Variants in ERCC4 observed in about 807,000 individuals in gnomAD.
The protein encoded by ERCC4 is ERCC excision repair 4, endonuclease catalytic subunit.
In ERCC4, 65 loss-of-function variants were observed where a neutral mutation model predicts 76.9. That is an observed-to-expected ratio of 0.84 (90% CI 0.69 to 1.04). The LOEUF (loss-of-function observed/expected upper bound fraction) is 1.04, where lower values mean the gene tolerates loss of function less well. ERCC4 is among the 50% of genes least tolerant of loss of function. The probability of loss-of-function intolerance (pLI) is 0.00; values close to 1 mark genes in which losing one functional copy is unlikely to be tolerated. For synonymous variants in ERCC4, 463 were observed against 410.1 expected, an observed-to-expected ratio of 1.13 and a Z score of -1.56; for missense variants, 1,214 against 1,128.2, an observed-to-expected ratio of 1.08 and a Z score of -1.09.
chr16:13,939,597 A>C (rs2032374557), intron 9 of ERCC4, among the ~76,000 whole-genome samples: 1 of 152,122 alleles, frequency 6.6e-6, no homozygotes, highest in Admixed American at 6.5e-5. Context: ...CAGGTACAAG[A>C]GGCCCTGTAA....
intron 4 of ERCC4, 59 bp downstream of exon 4, chr16:13,928,294 A>G (rs1227959294): frequency 8.3e-7 from 1 of 1,207,586 alleles, no homozygotes; most frequent in African/African-American, 1.5e-5. Flanking sequence ...AATGCAAGTT[A>G]TTTTAATATT....
At position 13,948,195 on chromosome 16, in the gene ERCC4, A is replaced by T; in HGVS notation, c.2599A>T (p.Met867Leu). 6.2e-7 allele frequency: 1 copy of T among 1,614,176 alleles called. No individual in the cohort carries two copies. Among genetic ancestry groups the T allele is most frequent in the Non-Finnish European group, 8.5e-7 (1 of 1,180,036 alleles). ...GAATGCCAAAAACTGCCGCTCCTTG[A>T]TGCACCACGTTAAGAACATCGCAGA... The part of the protein sequence containing the change: ...GVNAKNCRSL[M>L]HHVKNIAELA... Residue 867 changes from methionine to leucine, a missense_variant, in exon 11 of 11, where the codon ATG (methionine) becomes TTG (leucine). Met to Leu is a conservative substitution (Grantham distance 15, BLOSUM62 2). Coordinates refer to ENST00000311895, the MANE Select transcript of ERCC4 (RefSeq NM_005236.3).
In ERCC4 at chr16:13,920,175, G is replaced by C. The variant is rs768243270; in HGVS notation, c.10G>C (p.Gly4Arg). 1 of 1,605,536 alleles carries C rather than the reference G, an allele frequency of 6.2e-7. No homozygotes were observed. Among genetic ancestry groups the C allele is most frequent in the Non-Finnish European group, 8.5e-7 (1 of 1,179,838 alleles). ...ACCCGGAAGAGCTTCCATGGAGTCA[G>C]GGCAGCCGGCTCGACGGATTGCCAT... The part of the protein sequence containing the change: MES[G>R]QPARRIAMAP... Residue 4 changes from glycine to arginine, a missense_variant, in exon 1 of 11, where the codon GGG (glycine) becomes CGG (arginine). Physicochemically the swap from Gly to Arg is moderately radical, Grantham distance 125. Transcript: ENST00000311895.
chr16:13,944,717 C>T lies in ERCC4; in HGVS notation c.1905-6C>T. 6.3e-7 allele frequency: 1 copy of T among 1,597,964 alleles called. No individual in the cohort carries two copies. The highest frequency in any genetic ancestry group is 1.7e-5 in the Admixed American group (1 of 60,000). On this transcript the variant is annotated splice_polypyrimidine_tract_variant and splice_region_variant and intron_variant, in intron 9 of 10. Transcript: ENST00000311895. ...TCAGAAGTGTTGACAATGTTTTCTC[C>T]CACAGGGAAAAAGCAAGCATGGTTG...
chr16:13,944,413 T>C (rs925393473), intron 9 of ERCC4, among the ~76,000 whole-genome samples: 2 of 152,226 alleles, frequency 1.3e-5, no homozygotes, highest in Non-Finnish European at 2.9e-5. Context: ...TTTTTACATG[T>C]GGCATTTTTT....
At position 13,922,096 on chromosome 16, in the gene ERCC4, A is replaced by T; in HGVS notation, c.273A>T (p.Glu91Asp). Residue 91 changes from glutamate (E) to aspartate (D), a missense_variant, in exon 2 of 11, where the codon GAA (glutamate) becomes GAT (aspartate). By Grantham distance (45) the Glu-to-Asp change is conservative. Transcript: ENST00000311895. ...VEHLPRRVTN[E>D]ITSNSRYEVY... ...ACCTCCCTCGCCGTGTAACAAATGA[A>T]ATCACAAGCAACAGTCGCTATGAAG... 6.2e-7 allele frequency: 1 copy of T among 1,613,828 alleles called. No individual in the cohort carries two copies. Among genetic ancestry groups the T allele is most frequent in the East Asian group, 2.2e-5 (1 of 44,862 alleles).
chr16:13,924,468 G>A (rs1293552082), intron 2 of ERCC4, among the ~76,000 whole-genome samples: 1 of 152,162 alleles, frequency 6.6e-6, no homozygotes, highest in Non-Finnish European at 1.5e-5. Context: ...ACCCAGTGCT[G>A]TGCCTCCACT....
At chr16:13,931,895 A>G in intron 5 of ERCC4, 1 of 429,478 alleles carries the variant, frequency 2.3e-6, no homozygotes, top group Non-Finnish European at 4.1e-6. Context: ...AAAAAGTCAA[A>G]TAATGTCATG....
At position 13,947,827 on chromosome 16, in the gene ERCC4, A is replaced by G; in HGVS notation, c.2231A>G (p.Gln744Arg). The G allele has an allele frequency of 6.2e-7, 1 of 1,614,210 alleles. No homozygotes were observed. The highest frequency in any genetic ancestry group is 1.1e-5 in the South Asian group (1 of 91,078). The part of the protein sequence containing the change: ...GSLNNGRLYS[Q>R]CISMSRYYKR... ...TTAAATAACGGCCGCCTCTACAGCCAGTGCATCTCCATGTCCCGCTACTAC... is the reference window on the plus strand; with the variant it reads ...TTAAATAACGGCCGCCTCTACAGCCGGTGCATCTCCATGTCCCGCTACTAC... Residue 744 changes from glutamine (Q) to arginine (R), a missense_variant, in exon 11 of 11, where the codon CAG becomes CGG. Transcript: ENST00000311895.
chr16:13,928,617 A>C (rs896119106), intron 4 of ERCC4, among the ~76,000 whole-genome samples: 1 of 152,172 alleles, frequency 6.6e-6, no homozygotes, highest in Non-Finnish European at 1.5e-5. Flanking sequence ...ATAAAAAATA[A>C]TTTGGATGAG....
chr16:13,948,757 C>G lies in ERCC4; in HGVS notation c.*410C>G, dbSNP rs1208225671. On this transcript the variant is annotated 3_prime_UTR_variant, in exon 11 of 11. Transcript: ENST00000311895. The stretch of plus-strand genomic sequence containing the variant: ...CAAGAAAGCTACCATTTTTAACAGT[C>G]CTTGTTATCTAGTGCAACATAAATA... 2 of 234,830 alleles carry G rather than the reference C, an allele frequency of 8.5e-6. No homozygotes were observed. The highest frequency in any genetic ancestry group is 1.7e-4 in the South Asian group (1 of 5,756). 14.5% of individuals were successfully genotyped at this position (234,830 alleles called of 1,614,324 possible).
chr16:13,921,152 G>C (rs965088490), intron 1 of ERCC4, among the ~76,000 whole-genome samples: 4 of 141,342 alleles, frequency 2.8e-5, no homozygotes, highest in Non-Finnish European at 6.4e-5. Flanking sequence ...CATGAAAGGA[G>C]ATGCTGAGGC....
chr16:13,939,648 A>G (rs529272140), intron 9 of ERCC4, among the ~76,000 whole-genome samples: 1 of 152,204 alleles, frequency 6.6e-6, no homozygotes, highest in African/African-American at 2.4e-5. Context: ...GCACTGAAGC[A>G]TTCTAAGTAG....
In ERCC4 at chr16:13,935,185, C is replaced by T; in HGVS notation, c.1253C>T (p.Ser418Phe). 6.2e-7 allele frequency: 1 copy of T among 1,614,046 alleles called. No homozygotes were observed. The highest frequency in any genetic ancestry group is 8.5e-7 in the Non-Finnish European group (1 of 1,179,962). ...LICASDDRTC[S>F]QLRDYITLGA... is the part of the protein sequence containing the mutation. ...TGTGCAAGTGATGACCGAACATGTT[C>T]CCAGCTGAGAGACTATATCACTCTT... Residue 418 changes from serine (S) to phenylalanine (F), a missense_variant, in exon 8 of 11, where the codon TCC becomes TTC. By Grantham distance (155) the Ser-to-Phe change is radical. Coordinates refer to ENST00000311895, the MANE Select transcript of ERCC4 (RefSeq NM_005236.3).
At position 13,952,258 on chromosome 16, in the gene ERCC4, C is replaced by T. The variant is rs552082015; in HGVS notation, c.*3911C>T. On this transcript the variant is annotated 3_prime_UTR_variant, in exon 11 of 11. Coordinates refer to ENST00000311895, the MANE Select transcript of ERCC4 (RefSeq NM_005236.3). ...TGCATAGTGAAAGGGCATATATTAC[C>T]AGCAGTAATAATTCAAAATCCTGAA... 454 of 187,180 alleles carry T rather than the reference C, an allele frequency of 2.4e-3. 1 individual carries two copies. Among genetic ancestry groups the T allele is most frequent in the African/African-American group, 9.7e-3 (415 of 42,784 alleles). The allele number at this position is 187,180 out of a possible 1,614,324, so 11.6% of individuals were successfully genotyped here. A position where few individuals can be genotyped will look rare whatever the true frequency, so the allele number is the denominator to read the frequency against.
rs189463122 is a variant in ERCC4, at chr16:13,937,771, A to T, written c.1817A>T (p.Tyr606Phe). The change falls in exon 9 of 11, where the codon TAC (tyrosine) becomes TTC (phenylalanine). Residue 606 changes from tyrosine (Y) to phenylalanine (F), a missense_variant. Transcript: ENST00000311895. ...ASRPGKPLRVYFLIYGGSTEE... is the reference protein window; with the variant it reads ...ASRPGKPLRVFFLIYGGSTEE... Reference sequence around the variant, plus strand: ...AGTTCTGTCTTAACATGCAGGGTTTACTTTCTTATATACGGAGGTTCAACT... The same window carrying T: ...AGTTCTGTCTTAACATGCAGGGTTTTCTTTCTTATATACGGAGGTTCAACT... 1.2e-6 allele frequency: 2 copies of T among 1,606,294 alleles called. No individual in the cohort carries two copies. Among genetic ancestry groups the T allele is most frequent in the Admixed American group, 3.3e-5 (2 of 60,010 alleles).
At chr16:13,924,683 T>C (rs911587691) in intron 2 of ERCC4, among the ~76,000 whole-genome samples, 1 of 152,204 alleles carries the variant, frequency 6.6e-6, no homozygotes, top group African/African-American at 2.4e-5. Context: ...CACCCGTACA[T>C]TGGTGATAAA....
chr16:13,949,170 A>T lies in ERCC4; in HGVS notation c.*823A>T, dbSNP rs986882511. The T allele has an allele frequency of 4.3e-6, 1 of 233,124 alleles. No homozygotes were observed. Among genetic ancestry groups the T allele is most frequent in the African/African-American group, 2.2e-5 (1 of 45,350 alleles). 14.4% of individuals were successfully genotyped at this position (233,124 alleles called of 1,614,324 possible). On this transcript the variant is annotated 3_prime_UTR_variant, in exon 11 of 11. Coordinates refer to ENST00000311895, the MANE Select transcript of ERCC4 (RefSeq NM_005236.3). ...AATGAATTACCTGTTTGCAAAAGTT[A>T]ATGATGAAGGAGCTCTTAGAATTCT... is the stretch of plus-strand genomic sequence containing the variant.
intron 9 of ERCC4, among the ~76,000 whole-genome samples, chr16:13,938,396 A>G (rs1275459996): frequency 6.6e-6 from 1 of 152,208 alleles, no homozygotes; most frequent in Non-Finnish European, 1.5e-5. Context: ...ATCTGGTACT[A>G]TTCCAAATCC....
Sources: allele counts gnomAD v4.1 joint callset (sites outside exome capture counted in the v4.1 genomes callset), GRCh38; gene constraint gnomAD v4.1.1; transcripts MANE v1.5; gene names NCBI Gene and HGNC (gene_info 2026-07-23, HGNC 2026-07-21).